The following ARMC9 variants were observed in gnomAD, a reference collection of about 807,000 sequenced individuals.
ARMC9 encodes the protein armadillo repeat containing 9, also known as lisH domain-containing protein ARMC9.
Under a neutral mutation model 107.0 loss-of-function variants are expected in ARMC9, and 94 were observed. That is an observed-to-expected ratio of 0.88 (90% CI 0.74 to 1.04). ARMC9 has a LOEUF of 1.04. Ranked by LOEUF, ARMC9 falls within the 50% of genes least tolerant of loss-of-function variation. The probability of loss-of-function intolerance (pLI) is 0.00; values close to 1 mark genes in which losing one functional copy is unlikely to be tolerated. For missense variants in ARMC9, 942 were observed against 1,030.1 expected (o/e 0.91, Z 1.17); for synonymous variants, 380 against 396.9 (o/e 0.96, Z 0.51).
intron 20 of ARMC9, among the ~76,000 whole-genome samples, chr2:231,338,772 C>T (rs1431635573): frequency 6.6e-6 from 1 of 151,826 alleles, no homozygotes; most frequent in Non-Finnish European, 1.5e-5. Context: ...CATAGTTTTT[C>T]TTCATATATC....
chr2:231,202,319 C>CT (rs745728209), intron 1 of ARMC9, among the ~76,000 whole-genome samples: 7,806 of 123,856 alleles, frequency 0.063, 329 homozygotes, highest in Non-Finnish European at 0.089. Flanking sequence ...TCTTGTTTCA[C>CT]TTTTTTTTTT....
At chr2:231,232,186 C>T (rs1039007841) in intron 7 of ARMC9, among the ~76,000 whole-genome samples, 11 of 151,472 alleles carry the variant, frequency 7.3e-5, no homozygotes, top group East Asian at 2.0e-4. Flanking sequence ...CCACCACGCC[C>T]GGCTAATTTT....
At chr2:231,201,707 C>T (rs1488553222) in intron 1 of ARMC9, among the ~76,000 whole-genome samples, 1 of 152,254 alleles carries the variant, frequency 6.6e-6, no homozygotes, top group Non-Finnish European at 1.5e-5. Flanking sequence ...TGATTAGTTC[C>T]AGTGTCCCAT....
At chr2:231,337,703 C>T (rs1226564492) in intron 20 of ARMC9, among the ~76,000 whole-genome samples, 2 of 152,058 alleles carry the variant, frequency 1.3e-5, no homozygotes, top group Non-Finnish European at 2.9e-5. Context: ...CTCCTGACCT[C>T]GTGAGCCACC....
chr2:231,356,910 G>A (rs555912268), intron 22 of ARMC9, among the ~76,000 whole-genome samples: 17 of 152,276 alleles, frequency 1.1e-4, no homozygotes, highest in African/African-American at 3.1e-4. Flanking sequence ...AACATTTCAA[G>A]TTCTTAGGCC....
intron 8 of ARMC9, 44 bp from the exon 9 acceptor site, chr2:231,239,899 T>C (rs2036122302): frequency 6.4e-7 from 1 of 1,553,294 alleles, no homozygotes; most frequent in Non-Finnish European, 8.9e-7. Context: ...TGTCCCTCAG[T>C]GAGTTTCATG....
In ARMC9 at chr2:231,373,378, C is replaced by G. The variant is rs973346767; in HGVS notation, c.*1843C>G. 6.6e-6 allele frequency: 1 copy of G among 152,272 alleles called. No individual in the cohort carries two copies. The highest frequency in any genetic ancestry group is 2.4e-5 in the African/African-American group (1 of 41,460). The allele number at this position is 152,272 out of a possible 1,614,324, so 9.4% of individuals were successfully genotyped here. On this transcript the variant is annotated 3_prime_UTR_variant, in exon 25 of 25. Transcript: ENST00000611582. This position sits in a 1 kb window ranked among gnomAD's most constrained non-coding sequence, Gnocchi z 4.4. ...TCCCCTACGGATTCCTCAGATGCCA[C>G]TGGCTGGCACAGCCTTTCCCGCCCT...
chr2:231,282,408 G>A (rs1373586410), intron 17 of ARMC9, among the ~76,000 whole-genome samples: 1 of 152,212 alleles, frequency 6.6e-6, no homozygotes, highest in African/African-American at 2.4e-5. Context: ...TAGACATTCT[G>A]ATGGCAACCA....
chr2:231,216,122 A>G (rs1479093689), intron 4 of ARMC9, among the ~76,000 whole-genome samples: 1 of 152,230 alleles, frequency 6.6e-6, no homozygotes, highest in East Asian at 1.9e-4. Flanking sequence ...GTAGTGACAC[A>G]GAGCGAGCCC....
chr2:231,363,156 G>A (rs2045661462), intron 23 of ARMC9, among the ~76,000 whole-genome samples: 1 of 152,250 alleles, frequency 6.6e-6, no homozygotes, highest in African/African-American at 2.4e-5. Context: ...CAGAGTGCCA[G>A]GAGTGCAGGG....
intron 7 of ARMC9, among the ~76,000 whole-genome samples, chr2:231,228,281 AATGGTGATGATGAGCCTGC>A (rs1175237745): frequency 6.6e-6 from 1 of 152,196 alleles, no homozygotes; most frequent in Non-Finnish European, 1.5e-5. Context: ...ATTCACTTAT[AATGGTGATGATGAGCCTGC>A]ATGGTCTGGG....
In ARMC9 at chr2:231,206,243, G is replaced by A; in HGVS notation, c.5G>A (p.Gly2Glu). 1 of 1,613,580 alleles carries A rather than the reference G, an allele frequency of 6.2e-7. No individual in the cohort carries two copies. The change falls in exon 2 of 25, where the codon GGG (glycine) becomes GAG (glutamate). Residue 2 changes from glycine (G) to glutamate (E), a missense_variant. By Grantham distance (98) the Gly-to-Glu change is moderately conservative. Coordinates refer to ENST00000611582, the MANE Select transcript of ARMC9 (RefSeq NM_001352754.2). Reference protein sequence around the residue: MGDILAHESELL... With the variant: MEDILAHESELL... ...AATTACCAGTAACAGTTCAATATGG[G>A]GGACATTCTGGCTCATGAATCTGAA...
intron 3 of ARMC9, among the ~76,000 whole-genome samples, chr2:231,209,201 C>G (rs886303526): frequency 2.0e-5 from 3 of 152,054 alleles, no homozygotes; most frequent in Non-Finnish European, 4.4e-5. Context: ...CCATGCCCAG[C>G]CAGAACCTCG....
chr2:231,359,082 GTTTTTTT>G (rs555726953), intron 22 of ARMC9, among the ~76,000 whole-genome samples: 4 of 117,864 alleles, frequency 3.4e-5, no homozygotes, highest in African/African-American at 3.5e-5. Flanking sequence ...GGGGTCTCCT[GTTTTTTT>G]TTTTTTTTTT....
chr2:231,314,854 A>C (rs1014175031), intron 19 of ARMC9, among the ~76,000 whole-genome samples: 1 of 152,210 alleles, frequency 6.6e-6, no homozygotes, highest in Admixed American at 6.5e-5. Flanking sequence ...AAAGATCTAA[A>C]TTCACCCTCC....
At chr2:231,285,811 A>G (rs1196773370) in intron 17 of ARMC9, among the ~76,000 whole-genome samples, 1 of 152,220 alleles carries the variant, frequency 6.6e-6, no homozygotes, top group Non-Finnish European at 1.5e-5. Flanking sequence ...CATGCCCACA[A>G]TAAGGTTTTT....
chr2:231,324,158 T>C (rs1164595725), intron 19 of ARMC9, among the ~76,000 whole-genome samples: 13 of 146,372 alleles, frequency 8.9e-5, no homozygotes, highest in Admixed American at 6.8e-4. Context: ...GATGTAGTCT[T>C]GCTCTGTTGC....
chr2:231,201,300 A>G (rs1341301498), intron 1 of ARMC9, among the ~76,000 whole-genome samples: 1 of 152,152 alleles, frequency 6.6e-6, no homozygotes, highest in South Asian at 2.1e-4. Context: ...GGCAGATGCC[A>G]TACCCCTTGC....
intron 9 of ARMC9, among the ~76,000 whole-genome samples, chr2:231,251,278 T>C (rs932492456): frequency 5.3e-5 from 8 of 152,154 alleles, no homozygotes; most frequent in Non-Finnish European, 1.2e-4. Context: ...GCGATTCTCC[T>C]GCCTCGGCCT....
Sources: allele counts gnomAD v4.1 joint callset (sites outside exome capture counted in the v4.1 genomes callset), GRCh38; gene constraint gnomAD v4.1.1; non-coding constraint Gnocchi (gnomAD v3.1); transcripts MANE v1.5; gene names NCBI Gene and HGNC (gene_info 2026-07-23, HGNC 2026-07-21).